ZNF676: variants seen among roughly 807,000 people sequenced by gnomAD.
The protein encoded by ZNF676 is zinc finger protein 676.
ZNF676 carries 4 observed loss-of-function variants against 6.0 expected under a neutral mutation model. That is an observed-to-expected ratio of 0.67 (90% CI 0.33 to 1.53). ZNF676 has a LOEUF of 1.53. ZNF676 is among the 40% of genes most tolerant of loss of function. ZNF676 has a pLI of 0.06. For missense variants in ZNF676, 644 were observed against 679.7 expected (o/e 0.95, Z 0.58); for synonymous variants, 198 against 223.1 (o/e 0.89, Z 1.00).
chr19:22,254,071 A>G, the ZNF676 span, among the ~76,000 whole-genome samples: 1 of 152,236 alleles, frequency 6.6e-6, no homozygotes, highest in African/African-American at 2.4e-5. Flanking sequence ...ACCTGTGGGT[A>G]GGAAGTGAGC....
the ZNF676 span, among the ~76,000 whole-genome samples, chr19:22,238,537 C>T: frequency 2.6e-5 from 4 of 152,072 alleles, no homozygotes; most frequent in Non-Finnish European, 4.4e-5. Context: ...AGCCAACCCC[C>T]GAAACACCAG....
chr19:22,184,120 A>G (rs2023798340), intron 2 of ZNF676, among the ~76,000 whole-genome samples: 1 of 152,180 alleles, frequency 6.6e-6, no homozygotes, highest in African/African-American at 2.4e-5. Flanking sequence ...AGACTGACAC[A>G]GAAGGTGGGT....
chr19:22,211,275 C>T (rs1052265086), intron 1 of ZNF676, among the ~76,000 whole-genome samples: 8 of 152,232 alleles, frequency 5.3e-5, no homozygotes, highest in African/African-American at 1.9e-4. Flanking sequence ...ACTATAGAGG[C>T]TTCTTCCATG....
chr19:22,181,476 A>G lies in ZNF676; in HGVS notation c.241T>C (p.Leu81=). Residue 81 remains leucine (L), a synonymous_variant, in exon 3 of 3, where the codon TTA becomes CTA. Coordinates refer to ENST00000397121, the MANE Select transcript of ZNF676 (RefSeq NM_001001411.3). The part of the protein sequence containing the change: ...YDKCGHENLH[L]KISCTNVDEC... Reference sequence around the variant, plus strand: ...TCCACATTGGTACAACTAATTTTTAAGTGTAAATTCTCATGTCCACATTTG... The same window carrying G: ...TCCACATTGGTACAACTAATTTTTAGGTGTAAATTCTCATGTCCACATTTG... 2 of 1,613,642 alleles carry G rather than the reference A, an allele frequency of 1.2e-6. No homozygotes were observed. The highest frequency in any genetic ancestry group is 8.5e-7 in the Non-Finnish European group (1 of 1,179,780).
Position 22,205,177 on chromosome 19 carries a change from C to T in ZNF676, c.4-8451G>A, listed in dbSNP as rs185253106. 1.3e-3 allele frequency among the ~76,000 whole-genome samples: 196 copies of T among 152,086 alleles called. 2 individuals carry two copies. The highest frequency in any genetic ancestry group is 4.3e-3 in the African/African-American group (177 of 41,504). Reference sequence around the variant, plus strand: ...ATGAATAAAGCAAATTATTAGAGACCTATGAAGAGACTTAGAATCTGACAG... The same window carrying T: ...ATGAATAAAGCAAATTATTAGAGACTTATGAAGAGACTTAGAATCTGACAG... On this transcript the variant is annotated intron_variant, in intron 1 of 3. Coordinates refer to the ZNF676 transcript ENST00000650058.
intron 1 of ZNF676, among the ~76,000 whole-genome samples, chr19:22,194,628 T>A (rs1283901182): frequency 6.6e-6 from 1 of 152,064 alleles, no homozygotes; most frequent in Non-Finnish European, 1.5e-5. Flanking sequence ...AACACCAGGA[T>A]TCTGTCCTCG....
chr19:22,255,728 T>C, the ZNF676 span, among the ~76,000 whole-genome samples: 23 of 151,894 alleles, frequency 1.5e-4, no homozygotes, highest in South Asian at 4.6e-3. Context: ...GCCTGTTGTC[T>C]CAGCTACTCA....
chr19:22,217,460 C>G (rs1436795743), upstream of ZNF676, among the ~76,000 whole-genome samples: 2 of 152,200 alleles, frequency 1.3e-5, no homozygotes, highest in African/African-American at 4.8e-5. Context: ...CCTCAGCCTC[C>G]CAAAGTGCTG....
At chr19:22,225,576 A>G in the ZNF676 span, among the ~76,000 whole-genome samples, 1 of 152,190 alleles carries the variant, frequency 6.6e-6, no homozygotes, top group Non-Finnish European at 1.5e-5. Flanking sequence ...AACAATCAGC[A>G]TAGGTTTCAT....
At chr19:22,249,445 TC>T in the ZNF676 span, among the ~76,000 whole-genome samples, 4 of 152,132 alleles carry the variant, frequency 2.6e-5, no homozygotes, top group East Asian at 7.7e-4. Flanking sequence ...AGAGTTTCGT[TC>T]CTGTTGCCCA....
Position 22,181,350 on chromosome 19 carries a change from G to A in ZNF676, c.367C>T (p.His123Tyr). Residue 123 changes from histidine to tyrosine, a missense_variant, in exon 3 of 3, where the codon CAT (histidine) becomes TAT (tyrosine). By Grantham distance (83) the His-to-Tyr change is moderately conservative. Coordinates refer to ENST00000397121, the MANE Select transcript of ZNF676 (RefSeq NM_001001411.3). Reference protein sequence around the residue: ...FQCGKYANVFHKCSNSNRHKI... With the variant: ...FQCGKYANVFYKCSNSNRHKI... ...TGTCTGTTTGAATTTGAACATTTAT[G>A]AAAGACGTTTGCATATTTGCCACAT... is the stretch of plus-strand genomic sequence containing the variant. 6.2e-7 allele frequency: 1 copy of A among 1,613,664 alleles called. No individual in the cohort carries two copies. Among genetic ancestry groups the A allele is most frequent in the Non-Finnish European group, 8.5e-7 (1 of 1,179,730 alleles).
the ZNF676 span, among the ~76,000 whole-genome samples, chr19:22,237,735 A>C: frequency 6.6e-6 from 1 of 152,146 alleles, no homozygotes; most frequent in Non-Finnish European, 1.5e-5. Context: ...GGGATGGGGA[A>C]GCTGTTTTTT....
At chr19:22,202,472 A>T (rs1302437905) in intron 1 of ZNF676, among the ~76,000 whole-genome samples, 1 of 152,164 alleles carries the variant, frequency 6.6e-6, no homozygotes, top group African/African-American at 2.4e-5. Flanking sequence ...GAAAAGGCCC[A>T]TCTATAGTAA....
the ZNF676 span, among the ~76,000 whole-genome samples, chr19:22,239,441 A>G: frequency 6.6e-6 from 1 of 151,872 alleles, no homozygotes; most frequent in African/African-American, 2.4e-5. Flanking sequence ...CGGCCTCCCA[A>G]AGTGCTGGGA....
the ZNF676 span, among the ~76,000 whole-genome samples, chr19:22,231,867 TG>T: frequency 6.6e-6 from 1 of 152,088 alleles, no homozygotes; most frequent in African/African-American, 2.4e-5. Flanking sequence ...CCCAAAGTGC[TG>T]GGATTACAAG....
At chr19:22,227,884 A>T in the ZNF676 span, among the ~76,000 whole-genome samples, 4 of 152,166 alleles carry the variant, frequency 2.6e-5, no homozygotes, top group Non-Finnish European at 5.9e-5. Context: ...CCAACCAAAA[A>T]ATACCTGGGA....
rs138111981 is a variant in ZNF676 at position 22,179,441 on chromosome 19, C to T, written c.*509G>A. 1.1e-4 allele frequency: 39 copies of T among 359,408 alleles called. 1 individual carries two copies. The highest frequency in any genetic ancestry group is 5.7e-4 in the African/African-American group (27 of 47,124). The allele number at this position is 359,408 out of a possible 1,614,324, so 22.3% of individuals were successfully genotyped here. On this transcript the variant is annotated 3_prime_UTR_variant, in exon 3 of 3. Transcript: ENST00000397121. The stretch of plus-strand genomic sequence containing the variant: ...GTTAAAGGCTTTGCCACATTCCACA[C>T]AATTATAGGAATTCCCTCCAGTATG...
chr19:22,184,258 G>T (rs746511947), intron 2 of ZNF676, among the ~76,000 whole-genome samples: 9 of 152,076 alleles, frequency 5.9e-5, no homozygotes, highest in Admixed American at 2.6e-4. Context: ...GCAAGGGGTT[G>T]GGGAACTCCC....
At chr19:22,253,521 T>TAC in the ZNF676 span, among the ~76,000 whole-genome samples, 2 of 107,340 alleles carry the variant, frequency 1.9e-5, no homozygotes, top group African/African-American at 6.1e-5. Context: ...TATGTATATA[T>TAC]ACACATTAAA....
Sources: allele counts gnomAD v4.1 joint callset (sites outside exome capture counted in the v4.1 genomes callset), GRCh38; gene constraint gnomAD v4.1.1; transcripts MANE v1.5; gene names NCBI Gene and HGNC (gene_info 2026-07-23, HGNC 2026-07-21).